Variants in SPG7 observed in about 807,000 individuals in gnomAD.
SPG7 encodes SPG7 matrix AAA peptidase subunit, paraplegin.
SPG7 carries 103 observed loss-of-function variants against 81.9 expected under a neutral mutation model. The ratio of observed to expected loss-of-function variants is 1.26; its 90% CI spans 1.07 to 1.48. SPG7 has a LOEUF of 1.48. Ranked by LOEUF, SPG7 falls within the 40% of genes most tolerant of loss-of-function variation. SPG7 has a pLI of 0.00. For missense variants in SPG7, 1,241 were observed against 1,087.3 expected, an observed-to-expected ratio of 1.14 and a Z score of -1.99; for synonymous variants, 534 against 444.2, an observed-to-expected ratio of 1.20 and a Z score of -2.54.
rs560499777 is a variant in SPG7 at position 89,523,900 on chromosome 16, C to T, written c.377-106C>T. On this transcript the variant is annotated intron_variant, in intron 3 of 16. Transcript: ENST00000645818. ...GAAGTGCAGGATCTTCTGTGCAGGA[C>T]GCTGCCCCTCCCCGTCCAGCTGAGC... 428 of 1,394,012 alleles carry T rather than the reference C, an allele frequency of 3.1e-4. 1 individual carries two copies. Among genetic ancestry groups the T allele is most frequent in the Non-Finnish European group, 3.9e-4 (394 of 1,008,404 alleles). The allele number at this position is 1,394,012 out of a possible 1,614,324, so 86.4% of individuals were successfully genotyped here.
chr16:89,510,623 A>T, intron 2 of SPG7, 31 bp downstream of exon 2: 2 of 1,312,552 alleles, frequency 1.5e-6, no homozygotes, highest in Non-Finnish European at 1.1e-6. Flanking sequence ...GCAGCTGAGC[A>T]TGACTGCACA....
intron 2 of SPG7, among the ~76,000 whole-genome samples, chr16:89,510,902 C>G (rs1354303379): frequency 6.6e-6 from 1 of 152,222 alleles, no homozygotes; most frequent in African/African-American, 2.4e-5. Context: ...CCCTTATCCC[C>G]CAGTTGCAGA....
At chr16:89,554,655 G>A (rs1199661681) in intron 16 of SPG7, 92 bp downstream of exon 16, 1 of 834,640 alleles carries the variant, frequency 1.2e-6, no homozygotes. Flanking sequence ...TATTTCCAAG[G>A]CACACAGAGT....
intron 13 of SPG7, among the ~76,000 whole-genome samples, chr16:89,550,912 G>A (rs1266015903): frequency 2.6e-5 from 4 of 152,200 alleles, no homozygotes; most frequent in African/African-American, 9.6e-5. Context: ...GGGTTTCGCT[G>A]CCTTTGCCTG....
intron 10 of SPG7, 23 bp downstream of exon 10, chr16:89,544,795 C>G (rs1445180013): frequency 1.2e-6 from 2 of 1,613,658 alleles, no homozygotes; most frequent in Non-Finnish European, 8.5e-7. Context: ...ATCCCAGCCT[C>G]TCCCACTCCA....
rs539612577 is a variant in SPG7 at position 89,537,657 on chromosome 16, G to T, written c.1324+5021G>T. The T allele has an allele frequency of 9.3e-6, 9 of 965,498 alleles. No homozygotes were observed. The South Asian group carries it at 4.3e-4, about 46-fold the overall frequency. The allele number at this position is 965,498 out of a possible 1,614,324, so 59.8% of individuals were successfully genotyped here. A position where few individuals can be genotyped will look rare whatever the true frequency, so the allele number is the denominator to read the frequency against. ...AGCTTCCTAAGTAGTTGGGACTCAA[G>T]GCTTGAGTCACCATGCCAGGCTCTG... On this transcript the variant is annotated intron_variant, in intron 9 of 16. Transcript: ENST00000645818.
At chr16:89,516,207 C>G (rs1296080206) in intron 3 of SPG7, among the ~76,000 whole-genome samples, 3 of 152,036 alleles carry the variant, frequency 2.0e-5, no homozygotes, top group East Asian at 1.9e-4. Context: ...AGGCTAGTCT[C>G]AAACTTCTCA....
intron 1 of SPG7, chr16:89,508,904 C>T (rs1369239040): frequency 8.5e-6 from 5 of 590,280 alleles, no homozygotes; most frequent in East Asian, 3.7e-5. Flanking sequence ...AAGTGGAATC[C>T]AGTAACGGTT....
In SPG7 at chr16:89,553,008, C is replaced by G. The variant is rs756144782; in HGVS notation, c.1809C>G (p.Ala603=). Reference sequence around the variant, plus strand: ...CCATAACCCCTCGGACAAACGCCGCCCTGGGCTTTGCTCAGATGCTCCCCA... The same window carrying G: ...CCATAACCCCTCGGACAAACGCCGCGCTGGGCTTTGCTCAGATGCTCCCCA... ...KVSITPRTNA[A]LGFAQMLPRD... The change falls in exon 14 of 17, where the codon GCC becomes GCG. Residue 603 remains alanine (A), a synonymous_variant. Coordinates refer to ENST00000645818, the MANE Select transcript of SPG7 (RefSeq NM_003119.4). 6.2e-7 allele frequency: 1 copy of G among 1,613,990 alleles called. No individual in the cohort carries two copies. Among genetic ancestry groups the G allele is most frequent in the South Asian group, 1.1e-5 (1 of 91,076 alleles).
In SPG7 at chr16:89,510,460, C is replaced by T. The variant is rs759491101; in HGVS notation, c.184-30C>T. The T allele has an allele frequency of 2.9e-6, 4 of 1,356,162 alleles. 1 individual carries two copies. The South Asian group carries it at 4.7e-5, about 16-fold the overall frequency. The allele number at this position is 1,356,162 out of a possible 1,614,324, so 84.0% of individuals were successfully genotyped here. On this transcript the variant is annotated intron_variant, in intron 1 of 16. Coordinates refer to ENST00000645818, the MANE Select transcript of SPG7 (RefSeq NM_003119.4). ...TTGGTACTCTCTAATGTTGGTGTGA[C>T]CTCCAGTATTGTTTTTTTTTTTTTT...
At chr16:89,528,852 CT>C (rs1177140223) in intron 5 of SPG7, 2 of 160,222 alleles carry the variant, frequency 1.2e-5, no homozygotes, top group African/African-American at 4.8e-5. Flanking sequence ...TGCTCTGTAG[CT>C]CAGGCTGGAG....
At chr16:89,556,830 A>C in intron 16 of SPG7, 57 bp from the exon 17 acceptor site, 1 of 1,372,470 alleles carries the variant, frequency 7.3e-7, no homozygotes, top group Non-Finnish European at 1.0e-6. Context: ...TCCCCAGGAC[A>C]TAGAGATGCT....
At chr16:89,548,298 A>C (rs1159449914) in intron 12 of SPG7, 185 bp downstream of exon 12, 1 of 582,814 alleles carries the variant, frequency 1.7e-6, no homozygotes, top group Non-Finnish European at 3.1e-6. Flanking sequence ...TTAAAATATC[A>C]CAGATTTACC....
chr16:89,541,992 G>A (rs1597650038), intron 9 of SPG7: 2 of 147,022 alleles, frequency 1.4e-5, no homozygotes, highest in South Asian at 4.4e-4. Context: ...AACACATAGC[G>A]GCCCGGGGGG....
intron 10 of SPG7, chr16:89,546,294 C>T (rs2058562323): frequency 3.0e-6 from 1 of 333,212 alleles, no homozygotes; most frequent in South Asian, 2.4e-5. Flanking sequence ...CCGTGTTGGC[C>T]AGACTGCCCA....
chr16:89,557,493 A>T lies in SPG7; in HGVS notation c.*400A>T. 3.6e-6 allele frequency: 1 copy of T among 277,988 alleles called. No homozygotes were observed. Among genetic ancestry groups the T allele is most frequent in the Non-Finnish European group, 7.1e-6 (1 of 141,692 alleles). The allele number at this position is 277,988 out of a possible 1,614,324, so 17.2% of individuals were successfully genotyped here. A position where few individuals can be genotyped will look rare whatever the true frequency, so the allele number is the denominator to read the frequency against. On this transcript the variant is annotated 3_prime_UTR_variant, in exon 17 of 17. Transcript: ENST00000645818. Reference sequence around the variant, plus strand: ...GCCCCAGTTCCTGTGGCTCCCTCGGAATGCTAAGGGGATCGGACATGAAAG... The same window carrying T: ...GCCCCAGTTCCTGTGGCTCCCTCGGTATGCTAAGGGGATCGGACATGAAAG...
At chr16:89,535,855 C>G (rs964042351) in intron 9 of SPG7, among the ~76,000 whole-genome samples, 2 of 150,488 alleles carry the variant, frequency 1.3e-5, no homozygotes, top group Non-Finnish European at 3.0e-5. Flanking sequence ...AGTGTGGCCT[C>G]TCTGGTGCTG....
At chr16:89,537,591 C>T in intron 9 of SPG7, 1 of 945,560 alleles carries the variant, frequency 1.1e-6, no homozygotes, top group Non-Finnish European at 1.3e-6. Context: ...GAGTGCAGTG[C>T]CACCATCATA....
At chr16:89,518,295 G>T (rs1175701255) in intron 3 of SPG7, 2 of 152,236 alleles carry the variant, frequency 1.3e-5, no homozygotes, top group Non-Finnish European at 2.9e-5. Context: ...ATGATTGTAA[G>T]TAGTGGTTGC....
Sources: allele counts gnomAD v4.1 joint callset (sites outside exome capture counted in the v4.1 genomes callset), GRCh38; gene constraint gnomAD v4.1.1; transcripts MANE v1.5; gene names NCBI Gene and HGNC (gene_info 2026-07-23, HGNC 2026-07-21).